CLSTN2: variants seen among roughly 807,000 people sequenced by gnomAD.
The protein encoded by CLSTN2 is calsyntenin-2.
In CLSTN2, 48 loss-of-function variants were observed where a neutral mutation model predicts 101.2. The ratio of observed to expected loss-of-function variants is 0.47; its 90% CI spans 0.38 to 0.60. The LOEUF is 0.60. Among genes scored for constraint, CLSTN2 ranks in the 20% least tolerant of loss-of-function variants. The pLI is 0.00. For missense variants in CLSTN2, 1,160 were observed against 1,238.2 expected (o/e 0.94, Z 0.95); for synonymous variants, 481 against 463.6 (o/e 1.04, Z -0.48).
At chr3:140,545,568 C>T (rs1935569470) in intron 9 of CLSTN2, among the ~76,000 whole-genome samples, 1 of 152,208 alleles carries the variant, frequency 6.6e-6, no homozygotes, top group Admixed American at 6.5e-5. Flanking sequence ...AAGATCCAGG[C>T]TGGGAAGGTT....
At chr3:140,429,710 A>T (rs2088608986) in intron 5 of CLSTN2, among the ~76,000 whole-genome samples, 1 of 152,174 alleles carries the variant, frequency 6.6e-6, no homozygotes, top group Non-Finnish European at 1.5e-5. Flanking sequence ...AGCAGAAAAG[A>T]ATGATTATTT....
chr3:140,111,208 C>T (rs186320151), intron 1 of CLSTN2, among the ~76,000 whole-genome samples: 94 of 152,198 alleles, frequency 6.2e-4, no homozygotes, highest in Middle Eastern at 3.4e-3. Context: ...TGTATTTGCC[C>T]CTTTCCCCTA....
intron 1 of CLSTN2, among the ~76,000 whole-genome samples, chr3:140,079,321 A>G (rs796769590): frequency 5.9e-5 from 9 of 152,330 alleles, no homozygotes; most frequent in African/African-American, 2.2e-4. Flanking sequence ...GATTAACGAT[A>G]TTCATATTAA....
At chr3:140,039,622 T>A (rs1448965892) in intron 1 of CLSTN2, among the ~76,000 whole-genome samples, 3 of 152,224 alleles carry the variant, frequency 2.0e-5, no homozygotes, top group Non-Finnish European at 4.4e-5. Context: ...TTAAAAATAC[T>A]ATTGATTTTC....
intron 1 of CLSTN2, among the ~76,000 whole-genome samples, chr3:140,077,632 AC>A (rs1046191646): frequency 2.6e-5 from 4 of 151,316 alleles, no homozygotes; most frequent in Admixed American, 2.6e-4. Context: ...TGCCTACAAA[AC>A]CCCATTGTGC....
chr3:140,209,651 C>A (rs2010830646), intron 2 of CLSTN2, among the ~76,000 whole-genome samples: 1 of 152,096 alleles, frequency 6.6e-6, no homozygotes, highest in Admixed American at 6.6e-5. Flanking sequence ...GCTGCCTGAA[C>A]CTACAGTTCC....
At chr3:140,158,700 A>C (rs991034486) in intron 1 of CLSTN2, among the ~76,000 whole-genome samples, 26 of 152,208 alleles carry the variant, frequency 1.7e-4, no homozygotes, top group African/African-American at 6.3e-4. Context: ...ATTTATATGG[A>C]ACCAAAAAAG....
At chr3:140,192,769 A>G (rs2107837108) in intron 2 of CLSTN2, among the ~76,000 whole-genome samples, 1 of 151,364 alleles carries the variant, frequency 6.6e-6, no homozygotes, top group African/African-American at 2.4e-5. Flanking sequence ...CTGCCTTTTC[A>G]TTGTTGTATT....
At chr3:140,225,121 C>T (rs974597857) in intron 2 of CLSTN2, among the ~76,000 whole-genome samples, 1 of 152,196 alleles carries the variant, frequency 6.6e-6, no homozygotes, top group African/African-American at 2.4e-5. Context: ...CCTCCCAGCT[C>T]GGAGCATAGG....
At chr3:140,235,994 T>C (rs2086413943) in intron 2 of CLSTN2, among the ~76,000 whole-genome samples, 1 of 152,138 alleles carries the variant, frequency 6.6e-6, no homozygotes, top group African/African-American at 2.4e-5. Flanking sequence ...AGAGGACCCA[T>C]GAGTTCCTGC....
intron 1 of CLSTN2, among the ~76,000 whole-genome samples, chr3:139,954,006 A>G (rs1029300860): frequency 2.0e-5 from 3 of 151,188 alleles, no homozygotes; most frequent in Admixed American, 2.0e-4. Flanking sequence ...CAGGGGGAAC[A>G]TGTTGGGTTT....
chr3:139,991,222 G>T (rs72979898), intron 1 of CLSTN2, among the ~76,000 whole-genome samples: 6,263 of 152,118 alleles, frequency 0.041, 144 homozygotes, highest in Non-Finnish European at 0.051. Context: ...TTTTATACGT[G>T]GCTAATTTCA....
intron 4 of CLSTN2, among the ~76,000 whole-genome samples, chr3:140,412,402 A>G (rs1367703335): frequency 6.6e-6 from 1 of 152,222 alleles, no homozygotes; most frequent in Non-Finnish European, 1.5e-5. Flanking sequence ...TCACTGTGGC[A>G]TATCTGAACA....
At chr3:140,189,316 T>A (rs1448182961) in intron 2 of CLSTN2, among the ~76,000 whole-genome samples, 1 of 152,222 alleles carries the variant, frequency 6.6e-6, no homozygotes, top group East Asian at 1.9e-4. Flanking sequence ...TTAAGTTTTA[T>A]AAGAAACTGC....
chr3:140,256,171 C>A (rs1368112102), intron 2 of CLSTN2, among the ~76,000 whole-genome samples: 10 of 152,184 alleles, frequency 6.6e-5, no homozygotes, highest in Admixed American at 6.5e-4. Flanking sequence ...AACATCCATG[C>A]AGCCTCCTCT....
rs536868470 is a variant in CLSTN2 at position 140,458,366 on chromosome 3, C to A, written c.974-1155C>A. ...AAACAGCCCCCATACCCCTGCCCAC[C>A]CAACTCAGGTCACACTTTAGACTCC... is the stretch of plus-strand genomic sequence containing the variant. On this transcript the variant is annotated intron_variant, in intron 6 of 16. Transcript: ENST00000458420. Among the ~76,000 whole-genome samples the A allele has an allele frequency of 2.0e-5, 3 of 152,198 alleles. No homozygotes were observed. In the East Asian group the frequency reaches 5.8e-4, roughly 29 times the overall value.
At chr3:140,369,376 C>T (rs1021208806) in intron 2 of CLSTN2, among the ~76,000 whole-genome samples, 8 of 152,182 alleles carry the variant, frequency 5.3e-5, no homozygotes, top group Admixed American at 3.9e-4. Context: ...ACTTGCATTT[C>T]ATTGCAGGCA....
At chr3:140,537,481 C>T (rs932172251) in intron 9 of CLSTN2, among the ~76,000 whole-genome samples, 5 of 151,908 alleles carry the variant, frequency 3.3e-5, no homozygotes, top group African/African-American at 7.3e-5. Context: ...CCTGTGCAGT[C>T]GGGATGAACC....
intron 1 of CLSTN2, among the ~76,000 whole-genome samples, chr3:140,166,106 C>G (rs562312699): frequency 1.3e-5 from 2 of 152,316 alleles, no homozygotes; most frequent in East Asian, 1.9e-4. Flanking sequence ...TTTCAGCTCC[C>G]CCTAAACTTT....
Sources: gnomAD v4.1 joint callset for allele counts (sites outside exome capture counted in the v4.1 genomes callset) on GRCh38, gnomAD v4.1.1 for gene constraint, MANE v1.5 for transcripts, NCBI Gene and HGNC (gene_info 2026-07-23, HGNC 2026-07-21) for gene names.